The following CLEC2B variants were observed in gnomAD, a reference collection of about 807,000 sequenced individuals.
The protein encoded by CLEC2B is C-type lectin domain family 2 member B.
In CLEC2B, 14 loss-of-function variants were observed where a neutral mutation model predicts 16.2. That is an observed-to-expected ratio of 0.86 (90% CI 0.57 to 1.35). CLEC2B has a LOEUF of 1.35. CLEC2B is among the 40% of genes most tolerant of loss of function. The pLI is 0.00. For missense variants in CLEC2B, 166 were observed against 182.3 expected (o/e 0.91, Z 0.52); for synonymous variants, 42 against 55.8 (o/e 0.75, Z 1.10).
intron 2 of CLEC2B, among the ~76,000 whole-genome samples, chr12:9,859,601 A>C (rs1033415840): frequency 1.3e-5 from 2 of 151,888 alleles, no homozygotes; most frequent in Non-Finnish European, 2.9e-5. Flanking sequence ...AGATGGCTTC[A>C]ATTAGAAATA....
Position 9,853,064 on chromosome 12 carries a change from A to AG in CLEC2B, c.*235dup, listed in dbSNP as rs1380551649. ...TTCTGGTTTACAGTTAAAAAAAGAAAGAAAGAAAGAAAGAAAGAAAGAGAG... is the reference window on the plus strand; with the variant it reads ...TTCTGGTTTACAGTTAAAAAAAGAAAGGAAAGAAAGAAAGAAAGAAAGAGAG... On this transcript the variant is annotated 3_prime_UTR_variant, in exon 5 of 5. Coordinates refer to ENST00000228438, the MANE Select transcript of CLEC2B (RefSeq NM_005127.3). The AG allele has an allele frequency of 3.6e-6, 1 of 279,668 alleles. No homozygotes were observed. Among genetic ancestry groups the AG allele is most frequent in the Non-Finnish European group, 5.9e-6 (1 of 170,354 alleles). The allele number at this position is 279,668 out of a possible 1,614,324, so 17.3% of individuals were successfully genotyped here.
chr12:9,854,589 C>T (rs1193411395), intron 3 of CLEC2B, 105 bp from the exon 4 acceptor site: 29 of 737,788 alleles, frequency 3.9e-5, no homozygotes, highest in Non-Finnish European at 6.0e-5. Context: ...AACAATTGTT[C>T]AACTCCTGGC....
At chr12:9,854,159 T>G (rs1358951026) in intron 4 of CLEC2B, among the ~76,000 whole-genome samples, 3 of 152,146 alleles carry the variant, frequency 2.0e-5, no homozygotes, top group African/African-American at 7.2e-5. Context: ...ATCTCAGGTC[T>G]TTATTTTCAA....
intron 3 of CLEC2B, chr12:9,854,838 T>C: frequency 3.0e-6 from 1 of 330,808 alleles, no homozygotes; most frequent in Non-Finnish European, 5.5e-6. Flanking sequence ...ATTACACTAT[T>C]TGTCCACTTC....
chr12:9,863,676 G>A (rs946186117), intron 1 of CLEC2B, among the ~76,000 whole-genome samples: 8 of 152,028 alleles, frequency 5.3e-5, no homozygotes, highest in African/African-American at 1.9e-4. Context: ...TTTTATTAGC[G>A]GCTCTCAAAA....
rs1867996307 is a variant in CLEC2B at position 9,869,232 on chromosome 12, T to G, written c.-30A>C. On this transcript the variant is annotated 5_prime_UTR_variant, in exon 1 of 5. Coordinates refer to ENST00000228438, the MANE Select transcript of CLEC2B (RefSeq NM_005127.3). ...TGCTTCTTTTAATCAGCGTTTTGAT[T>G]TTCTGCTAGCAGCTTTGTGTCATGT... is the stretch of plus-strand genomic sequence containing the variant. 6.6e-6 allele frequency: 1 copy of G among 152,216 alleles called. No individual in the cohort carries two copies. Among genetic ancestry groups the G allele is most frequent in the African/African-American group, 2.4e-5 (1 of 41,472 alleles). 9.4% of individuals were successfully genotyped at this position (152,216 alleles called of 1,614,324 possible).
chr12:9,865,145 T>C (rs1591770537), intron 1 of CLEC2B, among the ~76,000 whole-genome samples: 1 of 129,648 alleles, frequency 7.7e-6, no homozygotes, highest in Non-Finnish European at 1.5e-5. Context: ...ATCATGCCAC[T>C]CCACTCCAGC....
rs191185915 is a variant in CLEC2B, at chr12:9,852,808, C to T, written c.*492G>A. On this transcript the variant is annotated 3_prime_UTR_variant, in exon 5 of 5. Transcript: ENST00000228438. The stretch of plus-strand genomic sequence containing the variant: ...TTCAGACTGAGTCCTAGTCTCTTTT[C>T]CCTATTGTAATAGTCTTGAATAAAA... Among the ~76,000 whole-genome samples, 1,902 of 152,168 alleles carry T rather than the reference C, an allele frequency of 0.012. 24 individuals carry two copies. The highest frequency in any genetic ancestry group is 0.027 in the Middle Eastern group (8 of 294).
At chr12:9,858,356 G>A (rs1031995054) in intron 2 of CLEC2B, among the ~76,000 whole-genome samples, 4 of 151,970 alleles carry the variant, frequency 2.6e-5, no homozygotes, top group African/African-American at 9.7e-5. Context: ...CTTGAGCTAT[G>A]CATCACTTCC....
At chr12:9,856,288 C>G (rs1867893858) in intron 3 of CLEC2B, among the ~76,000 whole-genome samples, 1 of 151,960 alleles carries the variant, frequency 6.6e-6, no homozygotes, top group South Asian at 2.1e-4. Flanking sequence ...GTTTAGCTTT[C>G]TTTCCCCCAA....
At chr12:9,864,510 G>A (rs1867956663) in intron 1 of CLEC2B, among the ~76,000 whole-genome samples, 1 of 152,126 alleles carries the variant, frequency 6.6e-6, no homozygotes, top group South Asian at 2.1e-4. Context: ...CCAGTTAAGA[G>A]GTAAGCAATA....
intron 1 of CLEC2B, 61 bp downstream of exon 1, chr12:9,869,144 A>G (rs1429470874): frequency 6.6e-6 from 1 of 152,138 alleles, no homozygotes; most frequent in Non-Finnish European, 1.5e-5. Flanking sequence ...GAAGGCTTTA[A>G]CATTCTGCAT....
chr12:9,859,207 A>C (rs536510126), intron 2 of CLEC2B, among the ~76,000 whole-genome samples: 1 of 152,004 alleles, frequency 6.6e-6, no homozygotes, highest in Non-Finnish European at 1.5e-5. Context: ...TTTTGAAAAG[A>C]TAATTATCCT....
chr12:9,866,697 A>G (rs1459160109), intron 1 of CLEC2B, among the ~76,000 whole-genome samples: 3 of 152,152 alleles, frequency 2.0e-5, no homozygotes, highest in Non-Finnish European at 4.4e-5. Context: ...TAGTCAGACC[A>G]TTTTGATATT....
chr12:9,862,468 C>A, intron 2 of CLEC2B, 31 bp downstream of exon 2: 2 of 1,425,066 alleles, frequency 1.4e-6, no homozygotes, highest in Non-Finnish European at 1.9e-6. Context: ...CATAGAAAGC[C>A]ATGAAAAATA....
At chr12:9,864,518 A>G (rs1867956731) in intron 1 of CLEC2B, among the ~76,000 whole-genome samples, 1 of 152,238 alleles carries the variant, frequency 6.6e-6, no homozygotes, top group Non-Finnish European at 1.5e-5. Flanking sequence ...GAGGTAAGCA[A>G]TAAAAATATG....
At chr12:9,868,804 T>C (rs1867991641) in intron 1 of CLEC2B, among the ~76,000 whole-genome samples, 1 of 152,058 alleles carries the variant, frequency 6.6e-6, no homozygotes, top group Non-Finnish European at 1.5e-5. Flanking sequence ...AAGCCCGGAG[T>C]ATCTTTACAC....
At chr12:9,861,618 T>C (rs2136979805) in intron 2 of CLEC2B, among the ~76,000 whole-genome samples, 1 of 152,182 alleles carries the variant, frequency 6.6e-6, no homozygotes. Flanking sequence ...ACCACCCAAT[T>C]TGCAATAGTC....
rs547546052 is a variant in CLEC2B at position 9,859,147 on chromosome 12, A to C, written c.74-1510T>G. ...GGACACAGCAACTCCCTTAAAGCTT[A>C]CAGGAAAATTTATTGGCTTAAGATT... On this transcript the variant is annotated intron_variant, in intron 2 of 4. Transcript: ENST00000228438. Among the ~76,000 whole-genome samples, 3 of 152,074 alleles carry C rather than the reference A, an allele frequency of 2.0e-5. No homozygotes were observed. In the East Asian group the frequency reaches 5.8e-4, roughly 29 times the overall value.
Sources: gnomAD v4.1 joint callset for allele counts (sites outside exome capture counted in the v4.1 genomes callset) on GRCh38, gnomAD v4.1.1 for gene constraint, MANE v1.5 for transcripts, NCBI Gene and HGNC (gene_info 2026-07-23, HGNC 2026-07-21) for gene names.